RNF121: variants seen among roughly 807,000 people sequenced by gnomAD.
RNF121 encodes the protein ring finger protein 121, also known as E3 ubiquitin ligase RNF121.
In RNF121, 21 loss-of-function variants were observed where a neutral mutation model predicts 46.5. That is an observed-to-expected ratio of 0.45 (90% confidence interval 0.32 to 0.65). RNF121 has a LOEUF of 0.65. Ranked by LOEUF, RNF121 falls within the 30% of genes least tolerant of loss-of-function variation. RNF121 has a pLI of 0.04. For synonymous variants in RNF121, 139 were observed against 144.7 expected (o/e 0.96, Z 0.28); for missense variants, 346 against 416.0 (o/e 0.83, Z 1.46).
At chr11:71,993,232 A>G (rs1954900349) in intron 6 of RNF121, among the ~76,000 whole-genome samples, 1 of 152,234 alleles carries the variant, frequency 6.6e-6, no homozygotes, top group Non-Finnish European at 1.5e-5. Context: ...TTTCTAGACC[A>G]TGTCACCATT....
intron 6 of RNF121, among the ~76,000 whole-genome samples, chr11:71,991,146 T>C (rs1954856157): frequency 6.6e-6 from 1 of 152,136 alleles, no homozygotes; most frequent in African/African-American, 2.4e-5. Context: ...AACAGGATCA[T>C]TCGCACCCCA....
At chr11:71,966,261 C>T (rs551633495) in intron 3 of RNF121, among the ~76,000 whole-genome samples, 5 of 152,260 alleles carry the variant, frequency 3.3e-5, no homozygotes, top group Admixed American at 2.6e-4. Flanking sequence ...TCAGGTGATC[C>T]GCTCACCTTG....
chr11:71,969,957 A>T (rs1471878641), intron 3 of RNF121, among the ~76,000 whole-genome samples: 1 of 152,242 alleles, frequency 6.6e-6, no homozygotes, highest in African/African-American at 2.4e-5. Flanking sequence ...TAGGATAGAG[A>T]CGAGCACATA....
At chr11:71,954,569 CT>C (rs1384453059) in intron 1 of RNF121, among the ~76,000 whole-genome samples, 1 of 152,178 alleles carries the variant, frequency 6.6e-6, no homozygotes, top group Non-Finnish European at 1.5e-5. Context: ...CTTGAATATA[CT>C]TTCTTCACAG....
chr11:71,942,140 A>T (rs1418834512), intron 1 of RNF121, among the ~76,000 whole-genome samples: 1 of 151,812 alleles, frequency 6.6e-6, no homozygotes, highest in Non-Finnish European at 1.5e-5. Context: ...TCACCATGTT[A>T]GCCAGGATGG....
At chr11:71,995,657 C>T (rs1465105827) in intron 8 of RNF121, 106 bp downstream of exon 8, 8 of 803,104 alleles carry the variant, frequency 1.0e-5, no homozygotes, top group Non-Finnish European at 1.7e-5. Context: ...TGCCCCCAAC[C>T]AGAACATGTC....
intron 1 of RNF121, among the ~76,000 whole-genome samples, chr11:71,947,204 T>C (rs1027771332): frequency 7.9e-5 from 12 of 152,090 alleles, no homozygotes; most frequent in African/African-American, 2.9e-4. Context: ...TAATTGAATT[T>C]CTTACTTAAA....
intron 1 of RNF121, chr11:71,939,199 T>C (rs916595181): frequency 1.2e-5 from 2 of 169,460 alleles, no homozygotes; most frequent in Admixed American, 6.3e-5. Flanking sequence ...CCACTGTCCC[T>C]GGCTCATCTA....
At chr11:71,966,180 C>T (rs761801577) in intron 3 of RNF121, among the ~76,000 whole-genome samples, 1 of 152,022 alleles carries the variant, frequency 6.6e-6, no homozygotes, top group Non-Finnish European at 1.5e-5. Context: ...CCACCATGCC[C>T]AGCTAATTTT....
At chr11:71,964,093 T>C (rs556250124) in intron 3 of RNF121, among the ~76,000 whole-genome samples, 1 of 152,316 alleles carries the variant, frequency 6.6e-6, no homozygotes, top group South Asian at 2.1e-4. Flanking sequence ...TTCTCTAGAT[T>C]GTTTGGGGAA....
At chr11:71,987,615 G>A (rs1384382824) in intron 5 of RNF121, among the ~76,000 whole-genome samples, 1 of 152,096 alleles carries the variant, frequency 6.6e-6, no homozygotes, top group African/African-American at 2.4e-5. Flanking sequence ...TATTGCCTGT[G>A]GCTGTTTTTC....
chr11:71,990,595 AGGATCAAACCAGAAGATGCCAT>A lies in RNF121; in HGVS notation c.509_530del (p.Ile170ThrfsTer32). 6.2e-7 allele frequency: 1 copy of A among 1,613,892 alleles called. No homozygotes were observed. Among genetic ancestry groups the A allele is most frequent in the East Asian group, 2.2e-5 (1 of 44,882 alleles). ...TTTCTAGCTCTAATGCTTCCCTTGC[AGGATCAAACCAGAAGATGCCAT>A]GGACTTTGGCATCTCCCTTCTCTTC... On this transcript the variant is annotated splice_acceptor_variant and coding_sequence_variant, in exon 6 of 9. Transcript: ENST00000361756. LOFTEE classifies it high-confidence loss of function.
intron 8 of RNF121, 79 bp from the exon 9 acceptor site, chr11:71,996,116 C>T: frequency 6.4e-7 from 1 of 1,551,990 alleles, no homozygotes; most frequent in Non-Finnish European, 8.8e-7. Context: ...GTGGGGCAGA[C>T]CCAGGGAGCC....
At position 71,982,874 on chromosome 11, in the gene RNF121, C is replaced by T; in HGVS notation, c.357C>T (p.Thr119=). The change falls in exon 4 of 9, where the codon ACC becomes ACT. Residue 119 remains threonine, a synonymous_variant. Transcript: ENST00000361756. The part of the protein sequence containing the change: ...ILFSAVTAFV[T]FRATRKPLVQ... ...TCTCTGCTGTCACAGCCTTTGTTACCTTCCGAGCCACCCGAAAACCTCTAG... is the reference window on the plus strand; with the variant it reads ...TCTCTGCTGTCACAGCCTTTGTTACTTTCCGAGCCACCCGAAAACCTCTAG... 6.2e-7 allele frequency: 1 copy of T among 1,613,556 alleles called. No individual in the cohort carries two copies. Among genetic ancestry groups the T allele is most frequent in the Non-Finnish European group, 8.5e-7 (1 of 1,179,758 alleles).
chr11:71,988,507 G>C (rs1246798765), intron 5 of RNF121, among the ~76,000 whole-genome samples: 1 of 151,992 alleles, frequency 6.6e-6, no homozygotes, highest in Non-Finnish European at 1.5e-5. Context: ...TTTAGGACAA[G>C]TAAAAATAAA....
At chr11:71,944,332 C>CA (rs907683882) in intron 1 of RNF121, among the ~76,000 whole-genome samples, 24 of 150,186 alleles carry the variant, frequency 1.6e-4, no homozygotes, top group Non-Finnish European at 2.8e-4. Context: ...GACTCTGTCT[C>CA]AAAAAAAAAG....
At position 71,960,758 on chromosome 11, in the gene RNF121, A is replaced by G. The variant is rs749062387; in HGVS notation, c.110A>G (p.His37Arg). The change falls in exon 3 of 9, where the codon CAC (histidine) becomes CGC (arginine). Residue 37 changes from histidine (H) to arginine (R), a missense_variant. Physicochemically the swap from His to Arg is conservative, Grantham distance 29 (BLOSUM62 0). Coordinates refer to ENST00000361756, the MANE Select transcript of RNF121 (RefSeq NM_018320.5). Reference sequence around the variant, plus strand: ...ATGTGTTTGGCTTTCAGGGTCGAGCACGCACGCATGCATGCCAAGCACCGT... The same window carrying G: ...ATGTGTTTGGCTTTCAGGGTCGAGCGCGCACGCATGCATGCCAAGCACCGT... ...LSPEEQWRVE[H>R]ARMHAKHRGH... is the part of the protein sequence containing the mutation. The G allele has an allele frequency of 6.2e-7, 1 of 1,613,712 alleles. No individual in the cohort carries two copies. The highest frequency in any genetic ancestry group is 8.5e-7 in the Non-Finnish European group (1 of 1,179,692).
intron 6 of RNF121, among the ~76,000 whole-genome samples, chr11:71,992,286 A>G (rs918427458): frequency 2.0e-5 from 3 of 152,222 alleles, no homozygotes; most frequent in South Asian, 4.1e-4. Context: ...AGCCGCTACA[A>G]CAACAGCCAC....
At chr11:71,934,161 T>A (rs1449611869) in intron 1 of RNF121, among the ~76,000 whole-genome samples, 1 of 152,246 alleles carries the variant, frequency 6.6e-6, no homozygotes, top group Non-Finnish European at 1.5e-5. Context: ...CCCCTGCCTT[T>A]TATGGTTTTC....
Sources: allele counts gnomAD v4.1 joint callset (sites outside exome capture counted in the v4.1 genomes callset), GRCh38; gene constraint gnomAD v4.1.1; transcripts MANE v1.5; gene names NCBI Gene and HGNC (gene_info 2026-07-23, HGNC 2026-07-21).